FSIP2: variants seen among roughly 807,000 people sequenced by gnomAD.
FSIP2 encodes the protein fibrous sheath-interacting protein 2.
Under a neutral mutation model 510.5 loss-of-function variants are expected in FSIP2, and 367 were observed. That is an observed-to-expected ratio of 0.72 (90% CI 0.66 to 0.78). The LOEUF (loss-of-function observed/expected upper bound fraction) is 0.78, where lower values mean the gene tolerates loss of function less well. Ranked by LOEUF, FSIP2 falls within the 30% of genes least tolerant of loss-of-function variation. The pLI, the probability that FSIP2 is intolerant of heterozygous loss-of-function variation, is 0.00. For missense variants in FSIP2, 7,594 were observed against 7,901.7 expected, an observed-to-expected ratio of 0.96 and a Z score of 1.48; for synonymous variants, 2,601 against 2,732.2, an observed-to-expected ratio of 0.95 and a Z score of 1.50.
At position 185,790,775 on chromosome 2, in the gene FSIP2, A is replaced by C. The variant is rs1693103343; in HGVS notation, c.3639A>C (p.Glu1213Asp). The C allele has an allele frequency of 3.9e-6, 6 of 1,532,404 alleles. No homozygotes were observed. The highest frequency in any genetic ancestry group is 5.2e-6 in the Non-Finnish European group (6 of 1,144,642). The allele number at this position is 1,532,404 out of a possible 1,614,324, so 94.9% of individuals were successfully genotyped here. A position where few individuals can be genotyped will look rare whatever the true frequency, so the allele number is the denominator to read the frequency against. ...HNSDTEHIVKEAPNKYPLKTW... is the reference protein window; with the variant it reads ...HNSDTEHIVKDAPNKYPLKTW... ...CTGACACTGAACACATAGTCAAAGA[A>C]GCACCAAATAAATACCCATTAAAAA... The change falls in exon 16 of 23, where the codon GAA (glutamate) becomes GAC (aspartate). Residue 1213 changes from glutamate to aspartate, a missense_variant. Coordinates refer to ENST00000424728, the MANE Select transcript of FSIP2 (RefSeq NM_173651.4).
intron 17 of FSIP2, among the ~76,000 whole-genome samples, chr2:185,812,790 AG>A (rs1693759725): frequency 6.6e-6 from 1 of 152,082 alleles, no homozygotes; most frequent in Non-Finnish European, 1.5e-5. Context: ...TTGTTATTGC[AG>A]ATATTCCTTT....
chr2:185,818,863 CAG>C (rs1693867892), intron 19 of FSIP2, among the ~76,000 whole-genome samples: 1 of 151,810 alleles, frequency 6.6e-6, no homozygotes, highest in African/African-American at 2.4e-5. Context: ...TGATGCTAGA[CAG>C]TAACTCAGAG....
At position 185,815,566 on chromosome 2, in the gene FSIP2, A is replaced by T. The variant is rs540983209; in HGVS notation, c.20426+95A>T. On this transcript the variant is annotated intron_variant, in intron 19 of 22. Transcript: ENST00000424728. Reference sequence around the variant, plus strand: ...CTGGCAAAACTGTAATTGAGCAAGTATTTAGCTTCAGACCTTCCCCAACTT... The same window carrying T: ...CTGGCAAAACTGTAATTGAGCAAGTTTTTAGCTTCAGACCTTCCCCAACTT... 138 of 544,728 alleles carry T rather than the reference A, an allele frequency of 2.5e-4. No individual in the cohort carries two copies. In the African/African-American group the frequency reaches 2.5e-3, roughly 10 times the overall value. 33.7% of individuals were successfully genotyped at this position (544,728 alleles called of 1,614,324 possible). A position where few individuals can be genotyped will look rare whatever the true frequency, so the allele number is the denominator to read the frequency against.
intron 2 of FSIP2, among the ~76,000 whole-genome samples, chr2:185,739,810 G>C (rs946950957): frequency 6.6e-6 from 1 of 152,030 alleles, no homozygotes; most frequent in South Asian, 2.1e-4. Flanking sequence ...GGTTATTAGT[G>C]ATAGCTGCCA....
chr2:185,827,565 A>G (rs1456006876), intron 20 of FSIP2, among the ~76,000 whole-genome samples: 1 of 151,750 alleles, frequency 6.6e-6, no homozygotes, highest in Non-Finnish European at 1.5e-5. Context: ...TCACAGTGTC[A>G]TTTCTACCTC....
rs1220381333 is a variant in FSIP2, at chr2:185,811,560, A to C, written c.19828-1985A>C. Among the ~76,000 whole-genome samples the C allele has an allele frequency of 3.3e-5, 5 of 152,000 alleles. No homozygotes were observed. In the South Asian group the frequency reaches 8.3e-4, roughly 25 times the overall value. The stretch of plus-strand genomic sequence containing the variant: ...TTTGTTTGTTTTTTGAGAGAAATTC[A>C]AGATGGATGTAAAACTACCAGTTCT... On this transcript the variant is annotated intron_variant, in intron 17 of 22. Transcript: ENST00000424728.
chr2:185,769,295 C>A (rs1692559458), intron 13 of FSIP2, among the ~76,000 whole-genome samples: 1 of 152,064 alleles, frequency 6.6e-6, no homozygotes, highest in South Asian at 2.1e-4. Context: ...TTGCCAGCAT[C>A]TATTATTTTC....
At position 185,793,523 on chromosome 2, in the gene FSIP2, A is replaced by C; in HGVS notation, c.6387A>C (p.Glu2129Asp). The C allele has an allele frequency of 6.5e-7, 1 of 1,534,070 alleles. No homozygotes were observed. Among genetic ancestry groups the C allele is most frequent in the Non-Finnish European group, 8.7e-7 (1 of 1,145,386 alleles). Residue 2129 changes from glutamate to aspartate, a missense_variant, in exon 16 of 23, where the codon GAA becomes GAC. Coordinates refer to ENST00000424728, the MANE Select transcript of FSIP2 (RefSeq NM_173651.4). ...GCATAGCTGATAAACATTCAGAAGA[A>C]AATTCTGAAATGTTCATGGAGGGTG... ...KCSIADKHSEENSEMFMEGAN... is the reference protein window; with the variant it reads ...KCSIADKHSEDNSEMFMEGAN...
Position 185,808,493 on chromosome 2 carries a change from G to A in FSIP2, c.19187G>A (p.Ser6396Asn). 1.2e-6 allele frequency: 2 copies of A among 1,608,846 alleles called. No homozygotes were observed. Among genetic ancestry groups the A allele is most frequent in the Non-Finnish European group, 1.7e-6 (2 of 1,178,208 alleles). Residue 6396 changes from serine (S) to asparagine (N), a missense_variant, in exon 17 of 23, where the codon AGT becomes AAT. Physicochemically the swap from Ser to Asn is conservative, Grantham distance 46 (BLOSUM62 1). Coordinates refer to ENST00000424728, the MANE Select transcript of FSIP2 (RefSeq NM_173651.4). ...SKLVTAEISR[S>N]SISLIASDPE... Reference sequence around the variant, plus strand: ...TTGGTAACAGCTGAAATTTCCAGAAGTAGCATTAGTCTAATAGCTTCTGAT... The same window carrying A: ...TTGGTAACAGCTGAAATTTCCAGAAATAGCATTAGTCTAATAGCTTCTGAT...
Position 185,801,750 on chromosome 2 carries a change from A to G in FSIP2, c.12444A>G (p.Arg4148=). The G allele has an allele frequency of 6.5e-7, 1 of 1,528,856 alleles. No homozygotes were observed. Among genetic ancestry groups the G allele is most frequent in the Non-Finnish European group, 8.7e-7 (1 of 1,142,906 alleles). 94.7% of individuals were successfully genotyped at this position (1,528,856 alleles called of 1,614,324 possible). ...ATTCATTTTTAGAAGATGTCATAAGAAGGCTTTTATCTCAGCTAATTCCTC... is the reference window on the plus strand; with the variant it reads ...ATTCATTTTTAGAAGATGTCATAAGGAGGCTTTTATCTCAGCTAATTCCTC... The part of the protein sequence containing the change: ...LSHSFLEDVI[R]RLLSQLIPPP... Residue 4148 remains arginine, a synonymous_variant, in exon 17 of 23, where the codon AGA becomes AGG. Transcript: ENST00000424728.
intron 13 of FSIP2, among the ~76,000 whole-genome samples, chr2:185,772,582 C>T: frequency 6.6e-6 from 1 of 152,058 alleles, no homozygotes; most frequent in Non-Finnish European, 1.5e-5. Context: ...CAAGAACTCA[C>T]TCATTACTGC....
In FSIP2 at chr2:185,763,218, T is replaced by C; in HGVS notation, c.1276T>C (p.Ser426Pro). The change falls in exon 12 of 23, where the codon TCA (serine) becomes CCA (proline). Residue 426 changes from serine to proline, a missense_variant. Transcript: ENST00000424728. ...TATTTCAGGCCAAGGTTCAATTATT[T>C]CAGCGCAGGTATCACCCACGAGAAA... is the stretch of plus-strand genomic sequence containing the variant. ...INISGQGSII[S>P]AQVSPTRNFS... 2.0e-6 allele frequency: 3 copies of C among 1,514,964 alleles called. No individual in the cohort carries two copies. The highest frequency in any genetic ancestry group is 2.7e-6 in the Non-Finnish European group (3 of 1,128,364). The allele number at this position is 1,514,964 out of a possible 1,614,324, so 93.8% of individuals were successfully genotyped here.
At chr2:185,768,221 G>T (rs886316186) in intron 13 of FSIP2, among the ~76,000 whole-genome samples, 4 of 151,964 alleles carry the variant, frequency 2.6e-5, no homozygotes, top group African/African-American at 4.8e-5. Context: ...TCTGTAGGTT[G>T]CTTTCTCACT....
rs994294942 is a variant in FSIP2, at chr2:185,791,007, C to G, written c.3871C>G (p.Leu1291Val). The stretch of plus-strand genomic sequence containing the variant: ...CTTCAAATCTTCATTACGATCTCAA[C>G]TTAGTAAGTACACAGCTAAAATAGT... ...MGFKSSLRSQ[L>V]SKYTAKIVNI... The change falls in exon 16 of 23, where the codon CTT becomes GTT. Residue 1291 changes from leucine (L) to valine (V), a missense_variant. Physicochemically the swap from Leu to Val is conservative, Grantham distance 32 (BLOSUM62 1). Coordinates refer to ENST00000424728, the MANE Select transcript of FSIP2 (RefSeq NM_173651.4). 6.5e-7 allele frequency: 1 copy of G among 1,529,400 alleles called. No homozygotes were observed. The highest frequency in any genetic ancestry group is 8.7e-7 in the Non-Finnish European group (1 of 1,143,218). The allele number at this position is 1,529,400 out of a possible 1,614,324, so 94.7% of individuals were successfully genotyped here. A position where few individuals can be genotyped will look rare whatever the true frequency, so the allele number is the denominator to read the frequency against.
rs1693830403 is a variant in FSIP2, at chr2:185,816,625, G to A, written c.20426+1154G>A. Among the ~76,000 whole-genome samples the A allele has an allele frequency of 2.0e-5, 3 of 151,696 alleles. No homozygotes were observed. The South Asian group carries it at 6.2e-4, about 31-fold the overall frequency. On this transcript the variant is annotated intron_variant, in intron 19 of 22. Coordinates refer to ENST00000424728, the MANE Select transcript of FSIP2 (RefSeq NM_173651.4). ...GGCAGAGGCATGAAGATTGCTTGAG[G>A]CCAGGAGTTTGAAGCCAGCTTGGGC...
Position 185,793,383 on chromosome 2 carries a change from C to T in FSIP2, c.6247C>T (p.Arg2083Ter), listed in dbSNP as rs758314634. 2.6e-6 allele frequency: 4 copies of T among 1,533,586 alleles called. No homozygotes were observed. The East Asian group carries it at 7.3e-5, about 28-fold the overall frequency. 95.0% of individuals were successfully genotyped at this position (1,533,586 alleles called of 1,614,324 possible). Residue 2083 changes from arginine to a stop codon, truncating the protein, a stop_gained, in exon 16 of 23, where the codon CGA becomes TGA. Coordinates refer to ENST00000424728, the MANE Select transcript of FSIP2 (RefSeq NM_173651.4). LOFTEE classifies it high-confidence loss of function. ...IEKLLNETKY[R>*]KVLQLQIQDT... is the part of the protein sequence containing the mutation. ...AAAGCTGCTCAATGAGACCAAATAT[C>T]GAAAAGTACTTCAACTTCAAATACA...
At position 185,819,930 on chromosome 2, in the gene FSIP2, A is replaced by T. The variant is rs556643718; in HGVS notation, c.20426+4459A>T. 3.9e-5 allele frequency among the ~76,000 whole-genome samples: 6 copies of T among 152,100 alleles called. No individual in the cohort carries two copies. In the East Asian group the frequency reaches 1.2e-3, roughly 30 times the overall value. On this transcript the variant is annotated intron_variant, in intron 19 of 22. Transcript: ENST00000424728. The stretch of plus-strand genomic sequence containing the variant: ...CATGCACCAAACATCAGAGCTCCAA[A>T]ATATATTAAATAAATACTAACAGAT...
At chr2:185,774,621 T>G (rs1401781526) in intron 13 of FSIP2, among the ~76,000 whole-genome samples, 1 of 151,232 alleles carries the variant, frequency 6.6e-6, no homozygotes, top group Non-Finnish European at 1.5e-5. Context: ...AGGGTACATG[T>G]GCACATTGTG....
Position 185,756,192 on chromosome 2 carries a change from C to T in FSIP2, c.992C>T (p.Ala331Val). ...AAATGTTTTATTATATTTCTTTAAGCTTCTCCAAAGAATAAAAAGAAGACT... is the reference window on the plus strand; with the variant it reads ...AAATGTTTTATTATATTTCTTTAAGTTTCTCCAAAGAATAAAAAGAAGACT... ...FKYRGQDGTH[A>V]SPKNKKKTSE... The change falls in exon 9 of 23, where the codon GCT becomes GTT. Residue 331 changes from alanine (A) to valine (V), a missense_variant and splice_region_variant. Coordinates refer to ENST00000424728, the MANE Select transcript of FSIP2 (RefSeq NM_173651.4). 1 of 1,189,010 alleles carries T rather than the reference C, an allele frequency of 8.4e-7. No homozygotes were observed. Among genetic ancestry groups the T allele is most frequent in the Non-Finnish European group, 1.2e-6 (1 of 857,658 alleles). 73.7% of individuals were successfully genotyped at this position (1,189,010 alleles called of 1,614,324 possible). A position where few individuals can be genotyped will look rare whatever the true frequency, so the allele number is the denominator to read the frequency against.
Sources: allele counts gnomAD v4.1 joint callset (sites outside exome capture counted in the v4.1 genomes callset), GRCh38; gene constraint gnomAD v4.1.1; transcripts MANE v1.5; gene names NCBI Gene and HGNC (gene_info 2026-07-23, HGNC 2026-07-21).